Variants in DOCK7 observed in about 807,000 individuals in gnomAD.
DOCK7 encodes the protein dedicator of cytokinesis protein 7.
A neutral mutation model predicts 271.0 loss-of-function variants in DOCK7; 138 were observed. The ratio of observed to expected loss-of-function variants is 0.51; its 90% CI spans 0.44 to 0.59. The LOEUF is 0.59. DOCK7 is among the 20% of genes least tolerant of loss of function. The pLI, the probability that DOCK7 is intolerant of heterozygous loss-of-function variation, is 0.00. For missense variants in DOCK7, 2,066 were observed against 2,592.4 expected (o/e 0.80, Z 4.41); for synonymous variants, 823 against 876.1 (o/e 0.94, Z 1.07).
chr1:62,688,383 A>G lies in DOCK7; in HGVS notation c.-119T>C, dbSNP rs1662113502. 1 of 576,410 alleles carries G rather than the reference A, an allele frequency of 1.7e-6. No homozygotes were observed. The highest frequency in any genetic ancestry group is 2.4e-6 in the Non-Finnish European group (1 of 413,634). The allele number at this position is 576,410 out of a possible 1,614,324, so 35.7% of individuals were successfully genotyped here. On this transcript the variant is annotated 5_prime_UTR_variant, in exon 1 of 50. Coordinates refer to ENST00000635253, the MANE Select transcript of DOCK7 (RefSeq NM_001367561.1). ...CGGCCTCCGCCAGTCCGGGCTCCGG[A>G]CCTGGGAGGCTGGGGCTGGCGGCCG...
Position 62,569,451 on chromosome 1 carries a change from G to A in DOCK7, c.2113-7748C>T, listed in dbSNP as rs576289697. On this transcript the variant is annotated intron_variant, in intron 18 of 49. Transcript: ENST00000635253. ...GTTCAACACACGCAAATCAATAAAC[G>A]TAATCCGTCACATAAACAGAACTAA... Among the ~76,000 whole-genome samples, 45 of 151,770 alleles carry A rather than the reference G, an allele frequency of 3.0e-4. 1 individual carries two copies. The South Asian group carries it at 3.6e-3, about 12-fold the overall frequency.
intron 22 of DOCK7, among the ~76,000 whole-genome samples, chr1:62,547,206 T>TA (rs1645740320): frequency 6.6e-6 from 1 of 152,150 alleles, no homozygotes. Flanking sequence ...TAGTCAAAGC[T>TA]AACTATTTAA....
intron 21 of DOCK7, among the ~76,000 whole-genome samples, chr1:62,553,717 T>C (rs1230551553): frequency 6.6e-6 from 1 of 152,012 alleles, no homozygotes; most frequent in Non-Finnish European, 1.5e-5. Flanking sequence ...AGATACTCTA[T>C]TTTACAGCAG....
At chr1:62,556,101 G>A (rs1646133681) in intron 20 of DOCK7, 112 bp from the exon 21 acceptor site, 1 of 1,056,606 alleles carries the variant, frequency 9.5e-7, no homozygotes, top group Non-Finnish European at 1.4e-6. Flanking sequence ...TGACTACACA[G>A]TAAGTGTATA....
intron 17 of DOCK7, among the ~76,000 whole-genome samples, 196 bp from the exon 18 acceptor site, chr1:62,577,559 TAAG>T (rs1237982750): frequency 1.3e-5 from 2 of 152,100 alleles, no homozygotes; most frequent in Non-Finnish European, 2.9e-5. Flanking sequence ...GAAATTTTAT[TAAG>T]GAGGATATCA....
At chr1:62,656,859 A>T (rs886395728) in intron 2 of DOCK7, among the ~76,000 whole-genome samples, 4 of 152,192 alleles carry the variant, frequency 2.6e-5, no homozygotes, top group Non-Finnish European at 5.9e-5. Context: ...GCAGCCTGAC[A>T]AAACAAAAAA....
intron 48 of DOCK7, chr1:62,459,016 G>A (rs982077322): frequency 4.6e-5 from 7 of 152,036 alleles, no homozygotes; most frequent in Non-Finnish European, 1.0e-4. Flanking sequence ...GCTTATATTA[G>A]AAGGCTAAAA....
chr1:62,486,664 T>C (rs921686436), intron 43 of DOCK7: 1 of 152,060 alleles, frequency 6.6e-6, no homozygotes, highest in Non-Finnish European at 1.5e-5. Flanking sequence ...TCAAACAATA[T>C]ATCAAATGCT....
intron 11 of DOCK7, among the ~76,000 whole-genome samples, chr1:62,627,347 C>A (rs1045141824): frequency 2.6e-5 from 4 of 152,030 alleles, no homozygotes; most frequent in African/African-American, 9.7e-5. Flanking sequence ...CCACTCTTGT[C>A]ATTTCTAAAA....
At chr1:62,624,800 C>T (rs1211535495) in intron 12 of DOCK7, among the ~76,000 whole-genome samples, 15 of 151,972 alleles carry the variant, frequency 9.9e-5, no homozygotes, top group Non-Finnish European at 1.9e-4. Context: ...ATTTAGTATC[C>T]TGTCTCTACT....
At chr1:62,524,366 T>C (rs776300137) in intron 31 of DOCK7, among the ~76,000 whole-genome samples, 2 of 152,174 alleles carry the variant, frequency 1.3e-5, no homozygotes, top group African/African-American at 2.4e-5. Context: ...ATTCCACTTC[T>C]AGAAAATACT....
chr1:62,684,551 A>G (rs770679220), intron 1 of DOCK7, among the ~76,000 whole-genome samples: 14 of 152,104 alleles, frequency 9.2e-5, no homozygotes, highest in Non-Finnish European at 7.3e-5. Context: ...TCTTTAGTAC[A>G]TTTTCTGCCT....
chr1:62,475,092 A>C, intron 47 of DOCK7, 116 bp downstream of exon 47: 3 of 1,169,040 alleles, frequency 2.6e-6, no homozygotes, highest in Non-Finnish European at 3.4e-6. Context: ...GTAGAAAAAT[A>C]CAGGCAGTAG....
intron 28 of DOCK7, 40 bp from the exon 29 acceptor site, chr1:62,535,672 G>A (rs1645322660): frequency 6.3e-7 from 1 of 1,590,074 alleles, no homozygotes; most frequent in Non-Finnish European, 8.6e-7. Context: ...TAACAGCAGT[G>A]CAACAAAGCA....
At chr1:62,581,613 C>T (rs1049443187) in intron 16 of DOCK7, among the ~76,000 whole-genome samples, 12 of 151,986 alleles carry the variant, frequency 7.9e-5, no homozygotes, top group Admixed American at 7.9e-4. Flanking sequence ...AAAGCAGTAG[C>T]ATTTTCACTG....
intron 1 of DOCK7, among the ~76,000 whole-genome samples, chr1:62,669,766 T>C (rs935078059): frequency 2.6e-5 from 4 of 152,252 alleles, no homozygotes; most frequent in African/African-American, 7.2e-5. Flanking sequence ...GCACCTCCCC[T>C]GCCTGGGCTC....
Position 62,614,628 on chromosome 1 carries a change from T to C in DOCK7, c.1682+4078A>G, listed in dbSNP as rs1452862832. Among the ~76,000 whole-genome samples, 3 of 151,968 alleles carry C rather than the reference T, an allele frequency of 2.0e-5. 1 individual carries two copies. On this transcript the variant is annotated intron_variant, in intron 14 of 49. Transcript: ENST00000635253. ...TGTAATCTAATAAAGCCAAAAACAA[T>C]AACAACTTCTATTGAGCATTTAATA...
At chr1:62,621,491 T>G (rs922621790) in intron 12 of DOCK7, among the ~76,000 whole-genome samples, 5 of 152,190 alleles carry the variant, frequency 3.3e-5, no homozygotes, top group Non-Finnish European at 7.4e-5. Flanking sequence ...TTATCTTATT[T>G]GGTAATGCAT....
In DOCK7 at chr1:62,475,956, A is replaced by G; in HGVS notation, c.5725-13T>C. The G allele has an allele frequency of 6.2e-7, 1 of 1,610,882 alleles. No homozygotes were observed. Among genetic ancestry groups the G allele is most frequent in the South Asian group, 1.1e-5 (1 of 90,918 alleles). ...TCTGAATATATGCCTAGGAAAGAAA[A>G]AAGTCCTTCATTTCCTCACTGTTAA... On this transcript the variant is annotated splice_polypyrimidine_tract_variant and intron_variant, in intron 45 of 49. Transcript: ENST00000635253.
Sources: allele counts gnomAD v4.1 joint callset (sites outside exome capture counted in the v4.1 genomes callset), GRCh38; gene constraint gnomAD v4.1.1; transcripts MANE v1.5; gene names NCBI Gene and HGNC (gene_info 2026-07-23, HGNC 2026-07-21).